The following ZNRF2 variants were observed in gnomAD, a reference collection of about 807,000 sequenced individuals.
ZNRF2 encodes E3 ubiquitin-protein ligase ZNRF2.
A neutral mutation model predicts 20.4 loss-of-function variants in ZNRF2; 16 were observed. The observed-to-expected ratio is 0.79, with a 90% CI of 0.53 to 1.19. The LOEUF (loss-of-function observed/expected upper bound fraction) is 1.19. Ranked by LOEUF, ZNRF2 falls within the 50% of genes most tolerant of loss-of-function variation. ZNRF2 has a pLI of 0.00. For missense variants in ZNRF2, 363 were observed against 332.4 expected (o/e 1.09, Z -0.72); for synonymous variants, 178 against 144.9 (o/e 1.23, Z -1.64).
intron 2 of ZNRF2, among the ~76,000 whole-genome samples, chr7:30,341,733 C>T (rs530151773): frequency 5.3e-5 from 8 of 152,174 alleles, no homozygotes; most frequent in East Asian, 1.9e-4. Context: ...ATGTCTCTTA[C>T]GTCAGCTTGG....
At chr7:30,289,937 T>C (rs569967025) in intron 1 of ZNRF2, 1 of 529,252 alleles carries the variant, frequency 1.9e-6, no homozygotes, top group African/African-American at 1.9e-5. Context: ...AGTAACTAAG[T>C]TCTTCTGATT....
At chr7:30,285,930 GC>G (rs1286925622) in intron 1 of ZNRF2, 104 bp downstream of exon 1, 8 of 1,329,030 alleles carry the variant, frequency 6.0e-6, no homozygotes, top group Admixed American at 8.2e-5. Context: ...TTCTGCCGGG[GC>G]GCCGGGGGCT....
At chr7:30,357,453 A>G (rs547552415) in intron 3 of ZNRF2, among the ~76,000 whole-genome samples, 25 of 152,342 alleles carry the variant, frequency 1.6e-4, no homozygotes, top group Non-Finnish European at 2.9e-4. Flanking sequence ...GTTTTTGGCA[A>G]GTACCTAGAG....
intron 2 of ZNRF2, among the ~76,000 whole-genome samples, chr7:30,350,261 A>G (rs1176794688): frequency 2.0e-5 from 3 of 152,030 alleles, no homozygotes; most frequent in Non-Finnish European, 1.5e-5. Context: ...TTTCCAGAAT[A>G]TTCCCAAGAG....
In ZNRF2 at chr7:30,359,826, CTG is replaced by C. The variant is rs575508174; in HGVS notation, c.672-2547_672-2546del. ...GCATGTCTTTGTTCTGGTGATAAAA[CTG>C]TGTTATTTGAGTAGTCTGCCTTTAA... On this transcript the variant is annotated intron_variant, in intron 3 of 4. Coordinates refer to ENST00000323037, the MANE Select transcript of ZNRF2 (RefSeq NM_147128.4). Among the ~76,000 whole-genome samples, 490 of 152,250 alleles carry C rather than the reference CTG, an allele frequency of 3.2e-3. 3 individuals are homozygous for C. Among genetic ancestry groups the C allele is most frequent in the African/African-American group, 0.011 (460 of 41,542 alleles).
Position 30,314,157 on chromosome 7 carries a change from TATTA to T in ZNRF2, c.470-9481_470-9478del, listed in dbSNP as rs560021578. On this transcript the variant is annotated intron_variant, in intron 1 of 4. Coordinates refer to ENST00000323037, the MANE Select transcript of ZNRF2 (RefSeq NM_147128.4). ...CATTATTCTGTAAAATGGATTAATT[TATTA>T]ATTCAAACAAATTTAAAAGAGAAAT... 4.6e-3 allele frequency among the ~76,000 whole-genome samples: 697 copies of T among 152,340 alleles called. 1 individual carries two copies. Among genetic ancestry groups the T allele is most frequent in the Non-Finnish European group, 7.1e-3 (482 of 68,026 alleles).
chr7:30,328,598 C>G (rs1479637781), intron 2 of ZNRF2, among the ~76,000 whole-genome samples: 1 of 152,130 alleles, frequency 6.6e-6, no homozygotes. Context: ...TCCAGAAATT[C>G]AAATATAAGT....
In ZNRF2 at chr7:30,285,666, C is replaced by T. The variant is rs1798769832; in HGVS notation, c.309C>T (p.Ile103=). Residue 103 remains isoleucine (I), a synonymous_variant, in exon 1 of 5, where the codon ATC becomes ATT. Transcript: ENST00000323037. ...GARAAQSPFS[I]PNSSSGPYGS... ...GCGCGGCGCAGTCCCCCTTCAGCAT[C>T]CCGAACAGCAGCAGCGGCCCGTACG... is the stretch of plus-strand genomic sequence containing the variant. 3.5e-6 allele frequency: 5 copies of T among 1,428,370 alleles called. No individual in the cohort carries two copies. The East Asian group carries it at 1.2e-4, about 35-fold the overall frequency. 88.5% of individuals were successfully genotyped at this position (1,428,370 alleles called of 1,614,324 possible). A position where few individuals can be genotyped will look rare whatever the true frequency, so the allele number is the denominator to read the frequency against.
intron 1 of ZNRF2, among the ~76,000 whole-genome samples, chr7:30,308,942 T>G (rs983278791): frequency 6.6e-6 from 1 of 152,180 alleles, no homozygotes; most frequent in Admixed American, 6.6e-5. Flanking sequence ...ATCTTCAGCA[T>G]CCACATTCAG....
chr7:30,319,896 C>G (rs1799440235), intron 1 of ZNRF2, among the ~76,000 whole-genome samples: 1 of 152,094 alleles, frequency 6.6e-6, no homozygotes, highest in South Asian at 2.1e-4. Flanking sequence ...TGTTCCCATC[C>G]CAGTTTTTGT....
chr7:30,318,373 TTATTGGGAACTC>T (rs1799410704), intron 1 of ZNRF2, among the ~76,000 whole-genome samples: 1 of 152,174 alleles, frequency 6.6e-6, no homozygotes, highest in Non-Finnish European at 1.5e-5. Flanking sequence ...TTGTTTGTGG[TTATTGGGAACTC>T]TCATAACTAA....
intron 2 of ZNRF2, among the ~76,000 whole-genome samples, chr7:30,325,799 CT>C (rs1799541965): frequency 6.6e-6 from 1 of 152,090 alleles, no homozygotes; most frequent in Admixed American, 6.6e-5. Flanking sequence ...ATATCCTAAC[CT>C]TTTTGCATTA....
At position 30,359,897 on chromosome 7, in the gene ZNRF2, G is replaced by A. The variant is rs375540340; in HGVS notation, c.672-2480G>A. On this transcript the variant is annotated intron_variant, in intron 3 of 4. Coordinates refer to ENST00000323037, the MANE Select transcript of ZNRF2 (RefSeq NM_147128.4). ...CCCTGTTACTTTAGCTTAAAGTTTT[G>A]TGGAAAGCAGTGTTTATCAAAAGCC... Among the ~76,000 whole-genome samples, 18 of 152,206 alleles carry A rather than the reference G, an allele frequency of 1.2e-4. No homozygotes were observed. In the East Asian group the frequency reaches 1.5e-3, roughly 13 times the overall value.
chr7:30,295,559 A>G (rs887485775), intron 1 of ZNRF2, among the ~76,000 whole-genome samples: 3 of 151,988 alleles, frequency 2.0e-5, no homozygotes, highest in Admixed American at 6.6e-5. Context: ...AAAATACAAA[A>G]ATTAGCCAGG....
chr7:30,352,361 A>G (rs1201390203), intron 2 of ZNRF2, among the ~76,000 whole-genome samples: 1 of 151,990 alleles, frequency 6.6e-6, no homozygotes, highest in Non-Finnish European at 1.5e-5. Flanking sequence ...TTGAAAATGC[A>G]CCCATTGAAG....
chr7:30,305,059 CCT>C (rs1470270920), intron 1 of ZNRF2, among the ~76,000 whole-genome samples: 1 of 152,068 alleles, frequency 6.6e-6, no homozygotes, highest in Non-Finnish European at 1.5e-5. Flanking sequence ...GTTATTGACA[CCT>C]GTTGTATCTG....
chr7:30,359,151 C>G (rs1380253566), intron 3 of ZNRF2, among the ~76,000 whole-genome samples: 1 of 152,116 alleles, frequency 6.6e-6, no homozygotes, highest in Non-Finnish European at 1.5e-5. Flanking sequence ...GACTAAATAC[C>G]TGCCTCTGGA....
chr7:30,285,421 G>T lies in ZNRF2; in HGVS notation c.64G>T (p.Asp22Tyr). ...CCGCACGCGCGCGTACTCGGGCTCG[G>T]ATCTACCTTCCAGTAGCAGCGGAGG... ...NGRTRAYSGS[D>Y]LPSSSSGGAN... Residue 22 changes from aspartate (D) to tyrosine (Y), a missense_variant, in exon 1 of 5, where the codon GAT becomes TAT. Physicochemically the swap from Asp to Tyr is radical, Grantham distance 160. Around this residue, in one of 2 missense-constraint regions of ZNRF2, gnomAD observed 302 missense variants for 231.5 expected, o/e 1.30. Coordinates refer to ENST00000323037, the MANE Select transcript of ZNRF2 (RefSeq NM_147128.4). 8.1e-7 allele frequency: 1 copy of T among 1,238,278 alleles called. No homozygotes were observed. The highest frequency in any genetic ancestry group is 1.0e-6 in the Non-Finnish European group (1 of 976,152). 76.7% of individuals were successfully genotyped at this position (1,238,278 alleles called of 1,614,324 possible). A position where few individuals can be genotyped will look rare whatever the true frequency, so the allele number is the denominator to read the frequency against.
chr7:30,312,419 G>A (rs1799305391), intron 1 of ZNRF2, among the ~76,000 whole-genome samples: 1 of 152,172 alleles, frequency 6.6e-6, no homozygotes, highest in Admixed American at 6.5e-5. Context: ...AGACATAAAT[G>A]TAGTGAGCCA....
Sources: gnomAD v4.1 joint callset for allele counts (sites outside exome capture counted in the v4.1 genomes callset) on GRCh38, gnomAD v4.1.1 for gene constraint, gnomAD v4.1.1 regional missense constraint, MANE v1.5 for transcripts, NCBI Gene and HGNC (gene_info 2026-07-23, HGNC 2026-07-21) for gene names.